Variants in FSTL4 observed in about 807,000 individuals in gnomAD.
FSTL4 encodes the protein follistatin-related protein 4.
FSTL4 carries 28 observed loss-of-function variants against 78.2 expected under a neutral mutation model. The ratio of observed to expected loss-of-function variants is 0.36; its 90% CI spans 0.27 to 0.49. The LOEUF is 0.49. Ranked by LOEUF, FSTL4 falls within the 20% of genes least tolerant of loss-of-function variation. The pLI, the probability that FSTL4 is intolerant of heterozygous loss-of-function variation, is 0.98. For synonymous variants in FSTL4, 422 were observed against 440.5 expected (o/e 0.96, Z 0.53); for missense variants, 922 against 1,084.9 (o/e 0.85, Z 2.11).
At chr5:133,484,892 T>C (rs1421358299) in intron 3 of FSTL4, among the ~76,000 whole-genome samples, 1 of 152,244 alleles carries the variant, frequency 6.6e-6, no homozygotes, top group African/African-American at 2.4e-5. Flanking sequence ...CAGAGCTTTC[T>C]AAATGTAAGC....
the FSTL4 span, among the ~76,000 whole-genome samples, chr5:133,628,703 C>T: frequency 2.0e-5 from 3 of 151,240 alleles, no homozygotes; most frequent in South Asian, 2.1e-4. Context: ...ATAGATAGGC[C>T]GCTAGGCCAG....
At chr5:133,233,921 G>A (rs954586788) in intron 7 of FSTL4, among the ~76,000 whole-genome samples, 2 of 152,180 alleles carry the variant, frequency 1.3e-5, no homozygotes, top group South Asian at 4.1e-4. Context: ...TGTTTCCGGA[G>A]GCCAGGCCTT....
At chr5:133,761,685 G>T in the FSTL4 span, among the ~76,000 whole-genome samples, 1 of 152,150 alleles carries the variant, frequency 6.6e-6, no homozygotes, top group South Asian at 2.1e-4. Flanking sequence ...ATGTCATCCA[G>T]AATGCCTGAA....
chr5:133,666,337 G>A, the FSTL4 span, among the ~76,000 whole-genome samples: 1 of 151,972 alleles, frequency 6.6e-6, no homozygotes, highest in Non-Finnish European at 1.5e-5. Flanking sequence ...AATCTATTTG[G>A]AAGCCTTGAA....
intron 11 of FSTL4, among the ~76,000 whole-genome samples, chr5:133,222,340 T>C (rs111375506): frequency 3.9e-5 from 6 of 152,184 alleles, no homozygotes; most frequent in African/African-American, 1.4e-4. Flanking sequence ...CAAGAGTCAG[T>C]CTTAGCTCCA....
chr5:133,442,907 A>G (rs1757187808), intron 3 of FSTL4, among the ~76,000 whole-genome samples: 1 of 152,240 alleles, frequency 6.6e-6, no homozygotes, highest in South Asian at 2.1e-4. Context: ...CCTTCTTCAA[A>G]GCAACAACAG....
intron 2 of FSTL4, among the ~76,000 whole-genome samples, chr5:133,568,376 CT>C (rs1427624314): frequency 6.6e-6 from 1 of 152,310 alleles, no homozygotes; most frequent in African/African-American, 2.4e-5. Flanking sequence ...AGCAACAGTG[CT>C]TTTTAAGGTA....
intron 5 of FSTL4, among the ~76,000 whole-genome samples, chr5:133,313,907 C>A (rs1311770232): frequency 6.6e-6 from 1 of 152,120 alleles, no homozygotes; most frequent in African/African-American, 2.4e-5. Flanking sequence ...AAGGAAAGGC[C>A]CACTTTAGCC....
chr5:133,819,468 C>T, the FSTL4 span, among the ~76,000 whole-genome samples: 3 of 152,318 alleles, frequency 2.0e-5, no homozygotes, highest in African/African-American at 7.2e-5. Flanking sequence ...CCTCCTGGAA[C>T]CCGCACAAGG....
intron 4 of FSTL4, among the ~76,000 whole-genome samples, chr5:133,319,479 G>C (rs1753994493): frequency 6.6e-6 from 1 of 152,214 alleles, no homozygotes; most frequent in South Asian, 2.1e-4. Flanking sequence ...GTTGTGGGAG[G>C]AAGCAGAGGG....
the FSTL4 span, among the ~76,000 whole-genome samples, chr5:133,646,707 A>G: frequency 1.3e-5 from 2 of 152,202 alleles, no homozygotes; most frequent in South Asian, 4.2e-4. Context: ...GGGATATGAG[A>G]GAAAGACATG....
intron 3 of FSTL4, among the ~76,000 whole-genome samples, chr5:133,554,520 T>C (rs957557188): frequency 6.6e-6 from 1 of 152,244 alleles, no homozygotes; most frequent in African/African-American, 2.4e-5. Context: ...ATTTGAAATG[T>C]GGACAGACGG....
the FSTL4 span, among the ~76,000 whole-genome samples, chr5:133,736,570 C>A: frequency 6.6e-6 from 1 of 151,960 alleles, no homozygotes; most frequent in African/African-American, 2.4e-5. Flanking sequence ...TTTTTGCCAC[C>A]AACCTGGATG....
chr5:133,786,520 C>G, the FSTL4 span, among the ~76,000 whole-genome samples: 1 of 152,124 alleles, frequency 6.6e-6, no homozygotes, highest in Admixed American at 6.5e-5. Context: ...TGGATCTACA[C>G]TCAGCTGCAT....
chr5:133,725,497 C>T, the FSTL4 span, among the ~76,000 whole-genome samples: 16 of 152,308 alleles, frequency 1.1e-4, no homozygotes, highest in South Asian at 1.7e-3. Context: ...ACACATGCCA[C>T]GCAAGTACAT....
At chr5:133,224,458 C>G (rs2303670) in intron 10 of FSTL4, 68,635 of 382,982 alleles carry the variant, frequency 0.18, 6,911 homozygotes, top group East Asian at 0.38. Flanking sequence ...GAAATCATGC[C>G]CTAGGACCAC....
chr5:133,245,864 C>T lies in FSTL4; in HGVS notation c.894+3546G>A, dbSNP rs951709353. Reference sequence around the variant, plus strand: ...TCAAATATTATTCTGATGCTCAGGGCATGCTTGATGTTTGCAAGTCAGAAA... The same window carrying T: ...TCAAATATTATTCTGATGCTCAGGGTATGCTTGATGTTTGCAAGTCAGAAA... On this transcript the variant is annotated intron_variant, in intron 7 of 15. Transcript: ENST00000265342. 4.6e-5 allele frequency among the ~76,000 whole-genome samples: 7 copies of T among 152,176 alleles called. No individual in the cohort carries two copies. In the East Asian group the frequency reaches 1.2e-3, roughly 25 times the overall value.
intron 4 of FSTL4, among the ~76,000 whole-genome samples, chr5:133,376,107 C>G (rs891159025): frequency 6.6e-6 from 1 of 152,176 alleles, no homozygotes; most frequent in Non-Finnish European, 1.5e-5. Flanking sequence ...TATACAAAGT[C>G]CTGAAGACAG....
rs773708910 is a variant in FSTL4 at position 133,253,358 on chromosome 5, A to G, written c.728-3782T>C. 3.3e-5 allele frequency among the ~76,000 whole-genome samples: 5 copies of G among 152,368 alleles called. No homozygotes were observed. In the South Asian group the frequency reaches 6.2e-4, roughly 19 times the overall value. On this transcript the variant is annotated intron_variant, in intron 6 of 15. Transcript: ENST00000265342. ...GCCTGGCTCTGCTGCTGACAAGCTC[A>G]GTGGCCTTGGCAGCTCCCTTCCTGT...
Sources: gnomAD v4.1 joint callset for allele counts (sites outside exome capture counted in the v4.1 genomes callset) on GRCh38, gnomAD v4.1.1 for gene constraint, MANE v1.5 for transcripts, NCBI Gene and HGNC (gene_info 2026-07-23, HGNC 2026-07-21) for gene names.